HTT-AS: variants seen among roughly 807,000 people sequenced by gnomAD.
HTT-AS encodes the protein HTT antisense RNA (head to head).
At chr4:3,058,065 G>C (rs961940539) in intron 2 of HTT-AS, among the ~76,000 whole-genome samples, 1 of 151,192 alleles carries the variant, frequency 6.6e-6, no homozygotes, top group Non-Finnish European at 1.5e-5. Context: ...GGTGGCTCAC[G>C]CCTGTAATCC....
exon 2 of HTT-AS, among the ~76,000 whole-genome samples, chr4:3,062,831 C>T (rs1711961789): frequency 3.3e-5 from 5 of 152,036 alleles, no homozygotes; most frequent in Admixed American, 3.3e-4. Context: ...TGTGCTTCTG[C>T]TTGACTTGAG....
downstream of HTT-AS, among the ~76,000 whole-genome samples, chr4:3,047,595 A>T (rs544329564): frequency 2.0e-5 from 3 of 152,168 alleles, no homozygotes; most frequent in Non-Finnish European, 4.4e-5. Context: ...AGTGGTAATG[A>T]CAGTGCCTGG....
chr4:3,074,423 C>A (rs112396951), intron 1 of HTT-AS: 5,680 of 170,400 alleles, frequency 0.033, 135 homozygotes, highest in African/African-American at 0.068. Flanking sequence ...AGCTTCGCCT[C>A]ACCCCATTAC....
chr4:3,071,191 C>G (rs1045983598), intron 1 of HTT-AS, among the ~76,000 whole-genome samples: 1 of 152,192 alleles, frequency 6.6e-6, no homozygotes, highest in African/African-American at 2.4e-5. Flanking sequence ...ACAGAATGAC[C>G]TGGAGTCACA....
chr4:3,059,717 C>G (rs1711889298), intron 2 of HTT-AS, among the ~76,000 whole-genome samples: 1 of 151,760 alleles, frequency 6.6e-6, no homozygotes. Context: ...ATTACAGGTG[C>G]ATGCACCACC....
intron 2 of HTT-AS, among the ~76,000 whole-genome samples, chr4:3,057,323 GCA>G (rs1260679570): frequency 1.6e-4 from 24 of 151,518 alleles, no homozygotes; most frequent in African/African-American, 5.8e-4. Flanking sequence ...GTGAGCCACT[GCA>G]CCCCACCCTG....
intron 1 of HTT-AS, among the ~76,000 whole-genome samples, chr4:3,064,644 GAGA>G (rs779575152): frequency 7.9e-5 from 12 of 152,222 alleles, no homozygotes; most frequent in Middle Eastern, 6.8e-3. Context: ...ATATTTTCAA[GAGA>G]AGAAGTAAAG....
intron 1 of HTT-AS, among the ~76,000 whole-genome samples, chr4:3,069,820 G>A (rs1258968409): frequency 6.6e-6 from 1 of 152,146 alleles, no homozygotes; most frequent in Non-Finnish European, 1.5e-5. Context: ...TGCCTGTTTT[G>A]CCCTCACACC....
intron 2 of HTT-AS, among the ~76,000 whole-genome samples, chr4:3,051,292 C>T (rs183624602): frequency 8.7e-4 from 132 of 152,084 alleles, no homozygotes; most frequent in African/African-American, 2.8e-3. Context: ...CTCGAACTCC[C>T]GACCTCAGGT....
chr4:3,059,479 T>A (rs1277582297), intron 2 of HTT-AS, among the ~76,000 whole-genome samples: 1 of 152,204 alleles, frequency 6.6e-6, no homozygotes, highest in African/African-American at 2.4e-5. Flanking sequence ...AGGTTCCAAT[T>A]TCTCCACTTC....
chr4:3,057,132 C>G (rs775968667), intron 2 of HTT-AS, among the ~76,000 whole-genome samples: 2 of 151,972 alleles, frequency 1.3e-5, no homozygotes, highest in Non-Finnish European at 2.9e-5. Flanking sequence ...CTCCCGGGTT[C>G]AAGCAATACT....
At chr4:3,050,171 A>C (rs750788780) in intron 2 of HTT-AS, among the ~76,000 whole-genome samples, 3 of 152,210 alleles carry the variant, frequency 2.0e-5, no homozygotes, top group Non-Finnish European at 4.4e-5. Flanking sequence ...GTGAGTCCAT[A>C]CTTAATTAAC....
At chr4:3,055,393 AC>A (rs1398920427) in intron 2 of HTT-AS, among the ~76,000 whole-genome samples, 1 of 152,126 alleles carries the variant, frequency 6.6e-6, no homozygotes, top group Admixed American at 6.5e-5. Context: ...AGGGCCTCTA[AC>A]CCAATCCCAT....
At chr4:3,069,368 C>T (rs1712120321) in intron 1 of HTT-AS, among the ~76,000 whole-genome samples, 1 of 151,320 alleles carries the variant, frequency 6.6e-6, no homozygotes, top group Non-Finnish European at 1.5e-5. Flanking sequence ...GTTGGCCAGG[C>T]TGGTCTTGAA....
intron 2 of HTT-AS, among the ~76,000 whole-genome samples, chr4:3,057,569 T>C (rs1056172865): frequency 2.0e-5 from 3 of 152,198 alleles, no homozygotes; most frequent in Non-Finnish European, 4.4e-5. Context: ...GAATAGAGAA[T>C]GGCTACTCCA....
At chr4:3,073,013 A>G (rs1025860829) in intron 1 of HTT-AS, among the ~76,000 whole-genome samples, 1 of 152,184 alleles carries the variant, frequency 6.6e-6, no homozygotes, top group Non-Finnish European at 1.5e-5. Flanking sequence ...GCAGCCTCAA[A>G]TTCCTGGGTT....
At chr4:3,061,736 C>G (rs1009573153) in intron 2 of HTT-AS, among the ~76,000 whole-genome samples, 62 of 149,826 alleles carry the variant, frequency 4.1e-4, no homozygotes, top group African/African-American at 1.4e-3. Flanking sequence ...AATCCCAGCA[C>G]TTTGGGAAGC....
chr4:3,053,809 A>T (rs1383575469), intron 2 of HTT-AS, among the ~76,000 whole-genome samples: 2 of 136,908 alleles, frequency 1.5e-5, no homozygotes, highest in African/African-American at 5.6e-5. Context: ...CCCAGGCTGG[A>T]GTCCAATGGC....
chr4:3,068,653 C>CTTT (rs563024282), intron 1 of HTT-AS, among the ~76,000 whole-genome samples: 7 of 139,150 alleles, frequency 5.0e-5, no homozygotes, highest in Non-Finnish European at 7.7e-5. Context: ...GTGTGTGTAG[C>CTTT]TTTTTTTTTT....
Sources: gnomAD v4.1 joint callset for allele counts (sites outside exome capture counted in the v4.1 genomes callset) on GRCh38, gnomAD v4.1.1 for gene constraint, MANE v1.5 for transcripts, NCBI Gene and HGNC (gene_info 2026-07-23, HGNC 2026-07-21) for gene names.